Variants in ZNF610 observed in about 807,000 individuals in gnomAD.
ZNF610 encodes the protein zink finger protein.
A neutral mutation model predicts 14.1 loss-of-function variants in ZNF610; 14 were observed. That is an observed-to-expected ratio of 0.99 (90% CI 0.65 to 1.55). ZNF610 has a LOEUF of 1.55. Among genes scored for constraint, ZNF610 ranks in the 40% most tolerant of loss-of-function variants. ZNF610 has a pLI of 0.00. For missense variants in ZNF610, 530 were observed against 558.0 expected, an observed-to-expected ratio of 0.95 and a Z score of 0.51; for synonymous variants, 185 against 187.6, an observed-to-expected ratio of 0.99 and a Z score of 0.11.
At chr19:52,346,063 A>G (rs1984939494) in intron 1 of ZNF610, among the ~76,000 whole-genome samples, 1 of 151,160 alleles carries the variant, frequency 6.6e-6, no homozygotes, top group Non-Finnish European at 1.5e-5. Context: ...TAGTAGTGTG[A>G]TCTTGGCTCA....
chr19:52,354,448 G>C (rs2251476), intron 5 of ZNF610, 69 bp downstream of exon 5: 2 of 1,527,670 alleles, frequency 1.3e-6, no homozygotes, highest in African/African-American at 1.4e-5. Flanking sequence ...AGGGTGTTCC[G>C]CTATCACCCA....
the ZNF610 span, among the ~76,000 whole-genome samples, chr19:52,330,715 A>C: frequency 6.6e-6 from 1 of 152,034 alleles, no homozygotes; most frequent in African/African-American, 2.4e-5. Flanking sequence ...CAAATTGTAC[A>C]CCTCACGCGA....
chr19:52,366,574 C>T lies in ZNF610; in HGVS notation c.1196C>T (p.Pro399Leu). ...CTTCTAATCCATACTGGAGAGAAAC[C>T]TTACAAATGTAATGAATGTGACAAA... Reference protein sequence around the residue: ...AHLLIHTGEKPYKCNECDKVF... With the variant: ...AHLLIHTGEKLYKCNECDKVF... Residue 399 changes from proline (P) to leucine (L), a missense_variant, in exon 6 of 6, where the codon CCT (proline) becomes CTT (leucine). Transcript: ENST00000403906. 1.2e-6 allele frequency: 2 copies of T among 1,614,210 alleles called. No homozygotes were observed. The highest frequency in any genetic ancestry group is 1.7e-6 in the Non-Finnish European group (2 of 1,180,050).
chr19:52,356,429 T>C (rs1985525843), intron 5 of ZNF610, among the ~76,000 whole-genome samples: 1 of 152,246 alleles, frequency 6.6e-6, no homozygotes, highest in Non-Finnish European at 1.5e-5. Context: ...TTCCATGTAT[T>C]ATAAATTAAC....
intron 5 of ZNF610, among the ~76,000 whole-genome samples, chr19:52,362,964 GATTTTTATTTATTT>G (rs1985852407): frequency 6.6e-6 from 1 of 151,828 alleles, no homozygotes; most frequent in African/African-American, 2.4e-5. Flanking sequence ...TCTTCTCTTT[GATTTTTATTTATTT>G]ATTTTTATTT....
chr19:52,365,894 A>G lies in ZNF610; in HGVS notation c.516A>G (p.Thr172=). The G allele has an allele frequency of 6.2e-7, 1 of 1,613,054 alleles. No homozygotes were observed. Residue 172 remains threonine (T), a synonymous_variant, in exon 6 of 6, where the codon ACA becomes ACG. Coordinates refer to ENST00000403906, the MANE Select transcript of ZNF610 (RefSeq NM_001161425.2). ...SPLQKISSSF[T]THIFNKYRND... The stretch of plus-strand genomic sequence containing the variant: ...TTCAAAAAATTTCTTCTAGTTTCAC[A>G]ACACACATTTTTAATAAATATAGAA...
At chr19:52,331,588 C>A (rs1003759780), upstream of ZNF610, among the ~76,000 whole-genome samples, 8 of 152,296 alleles carry the variant, frequency 5.3e-5, no homozygotes, top group African/African-American at 1.9e-4. Context: ...AGGATATGGG[C>A]AAACTCACAC....
At chr19:52,365,158 G>C (rs1985957912) in intron 5 of ZNF610, among the ~76,000 whole-genome samples, 1 of 151,676 alleles carries the variant, frequency 6.6e-6, no homozygotes, top group Non-Finnish European at 1.5e-5. Context: ...TGATGCAGGG[G>C]AATTGCTTGC....
chr19:52,331,499 G>A (rs1039516752), upstream of ZNF610, among the ~76,000 whole-genome samples: 5 of 152,186 alleles, frequency 3.3e-5, no homozygotes, highest in African/African-American at 7.2e-5. Flanking sequence ...TCAGGGAGCC[G>A]AAGGCCTGTG....
At chr19:52,333,554 T>C (rs1309383152), upstream of ZNF610, among the ~76,000 whole-genome samples, 1 of 152,216 alleles carries the variant, frequency 6.6e-6, no homozygotes, top group East Asian at 1.9e-4. Flanking sequence ...AAACCTGCTT[T>C]CTAATAATGG....
In ZNF610 at chr19:52,362,730, T is replaced by C. The variant is rs544943683; in HGVS notation, c.320-2968T>C. On this transcript the variant is annotated intron_variant, in intron 5 of 5. Coordinates refer to ENST00000403906, the MANE Select transcript of ZNF610 (RefSeq NM_001161425.2). ...TGGACATATCTGTGGGTTTTACATTTCTTTCTGTTAATTTTGTTTTATTAC... is the reference window on the plus strand; with the variant it reads ...TGGACATATCTGTGGGTTTTACATTCCTTTCTGTTAATTTTGTTTTATTAC... Among the ~76,000 whole-genome samples the C allele has an allele frequency of 2.6e-5, 4 of 152,348 alleles. No individual in the cohort carries two copies. The South Asian group carries it at 8.3e-4, about 32-fold the overall frequency.
intron 1 of ZNF610, among the ~76,000 whole-genome samples, chr19:52,338,636 G>A (rs371510099): frequency 2.6e-5 from 4 of 152,044 alleles, no homozygotes; most frequent in Admixed American, 1.3e-4. Flanking sequence ...GGCCAAGATC[G>A]CACCACTGCA....
At position 52,341,291 on chromosome 19, in the gene ZNF610, A is replaced by G. The variant is rs545201525; in HGVS notation, c.-258+4785A>G. 1.4e-4 allele frequency among the ~76,000 whole-genome samples: 21 copies of G among 152,138 alleles called. 1 individual carries two copies. Among genetic ancestry groups the G allele is most frequent in the Admixed American group, 1.2e-3 (19 of 15,278 alleles). ...GCGACCTGTTTCTAAATTTATTTTT[A>G]TTTTTAAAAAGTTTTATTTTTTATT... is the stretch of plus-strand genomic sequence containing the variant. On this transcript the variant is annotated intron_variant, in intron 1 of 5. Coordinates refer to ENST00000403906, the MANE Select transcript of ZNF610 (RefSeq NM_001161425.2).
At chr19:52,363,127 CTTTT>C (rs1280670705) in intron 5 of ZNF610, among the ~76,000 whole-genome samples, 1 of 141,812 alleles carries the variant, frequency 7.1e-6, no homozygotes, top group Non-Finnish European at 1.5e-5. Flanking sequence ...GTTCTATCCC[CTTTT>C]TTTTTTTTTT....
chr19:52,334,936 AAC>A (rs559202600), upstream of ZNF610, among the ~76,000 whole-genome samples: 3 of 41,570 alleles, frequency 7.2e-5, no homozygotes, highest in Non-Finnish European at 1.0e-4. Flanking sequence ...CTCAAAAACA[AAC>A]ACACACACAC....
At chr19:52,352,533 G>A (rs935653293) in intron 3 of ZNF610, among the ~76,000 whole-genome samples, 46 of 151,942 alleles carry the variant, frequency 3.0e-4, no homozygotes, top group African/African-American at 1.0e-3. Flanking sequence ...TCACCGCACC[G>A]GGCCAAAACT....
chr19:52,343,159 C>T (rs1984768039), intron 1 of ZNF610, among the ~76,000 whole-genome samples: 1 of 152,190 alleles, frequency 6.6e-6, no homozygotes, highest in Admixed American at 6.5e-5. Context: ...AGATGAGGGA[C>T]ACCCTGTACT....
chr19:52,354,402 T>C (rs1050573558), intron 5 of ZNF610, 23 bp downstream of exon 5: 2 of 1,606,550 alleles, frequency 1.2e-6, no homozygotes, highest in Non-Finnish European at 1.7e-6. Flanking sequence ...ATGGGCAGTG[T>C]GGAGGCCATA....
chr19:52,350,987 C>T (rs947263546), intron 3 of ZNF610, among the ~76,000 whole-genome samples: 26 of 151,658 alleles, frequency 1.7e-4, no homozygotes, highest in South Asian at 6.3e-4. Context: ...GAAACAAGAG[C>T]AAAACTCCAA....
Sources: gnomAD v4.1 joint callset for allele counts (sites outside exome capture counted in the v4.1 genomes callset) on GRCh38, gnomAD v4.1.1 for gene constraint, MANE v1.5 for transcripts, NCBI Gene and HGNC (gene_info 2026-07-23, HGNC 2026-07-21) for gene names.